THEMIS: variants seen among roughly 807,000 people sequenced by gnomAD.
THEMIS encodes thymocyte selection associated, also known as protein THEMIS.
THEMIS carries 37 observed loss-of-function variants against 52.6 expected under a neutral mutation model. That is an observed-to-expected ratio of 0.70 (90% CI 0.54 to 0.93). THEMIS has a LOEUF of 0.93. THEMIS is among the 40% of genes least tolerant of loss of function. THEMIS has a pLI of 0.00. For synonymous variants in THEMIS, 292 were observed against 272.7 expected, an observed-to-expected ratio of 1.07 and a Z score of -0.70; for missense variants, 808 against 763.1, an observed-to-expected ratio of 1.06 and a Z score of -0.69.
chr6:127,845,826 T>TA (rs35207825), intron 2 of THEMIS, among the ~76,000 whole-genome samples: 7,486 of 151,776 alleles, frequency 0.049, 207 homozygotes, highest in African/African-American at 0.069. Context: ...GAGATTTCCA[T>TA]AAAAAAAATT....
At chr6:127,836,651 C>T (rs2114682182) in intron 2 of THEMIS, among the ~76,000 whole-genome samples, 1 of 152,190 alleles carries the variant, frequency 6.6e-6, no homozygotes, top group Non-Finnish European at 1.5e-5. Flanking sequence ...TCTAAATTCA[C>T]CAGTATATAA....
At chr6:127,914,875 A>T (rs1781488009) in intron 1 of THEMIS, among the ~76,000 whole-genome samples, 1 of 152,202 alleles carries the variant, frequency 6.6e-6, no homozygotes, top group Non-Finnish European at 1.5e-5. Flanking sequence ...TTACAGATAA[A>T]GTGCCAAGTA....
downstream of THEMIS, among the ~76,000 whole-genome samples, chr6:127,704,751 G>A (rs1562201922): frequency 6.6e-6 from 1 of 152,196 alleles, no homozygotes; most frequent in Non-Finnish European, 1.5e-5. Context: ...CAAATGAGCT[G>A]TGCCAATGAG....
At chr6:127,816,655 C>A (rs1778145720) in intron 3 of THEMIS, among the ~76,000 whole-genome samples, 2 of 152,172 alleles carry the variant, frequency 1.3e-5, no homozygotes, top group South Asian at 4.1e-4. Context: ...GGCTTTCTAA[C>A]CGGTATCCTT....
chr6:127,755,895 T>C (rs2114360253), intron 4 of THEMIS, among the ~76,000 whole-genome samples: 1 of 151,788 alleles, frequency 6.6e-6, no homozygotes, highest in African/African-American at 2.4e-5. Context: ...AGCATGGTGG[T>C]GCATGGCTGT....
intron 4 of THEMIS, among the ~76,000 whole-genome samples, chr6:127,772,115 C>T (rs2114442496): frequency 6.6e-6 from 1 of 151,900 alleles, no homozygotes; most frequent in Admixed American, 6.6e-5. Context: ...AATCATCCTC[C>T]TATTAATAGA....
chr6:127,780,364 G>T (rs1776703581), intron 4 of THEMIS, among the ~76,000 whole-genome samples: 1 of 152,156 alleles, frequency 6.6e-6, no homozygotes, highest in Non-Finnish European at 1.5e-5. Context: ...GCCAGTCTGT[G>T]TCTTTTAATT....
At chr6:127,706,269 C>T (rs1255826809), downstream of THEMIS, among the ~76,000 whole-genome samples, 1 of 151,954 alleles carries the variant, frequency 6.6e-6, no homozygotes, top group African/African-American at 2.4e-5. Flanking sequence ...TTTTCTCAGA[C>T]AAAGCTCCAA....
At chr6:127,714,238 C>A (rs1774082041) in intron 5 of THEMIS, among the ~76,000 whole-genome samples, 1 of 151,840 alleles carries the variant, frequency 6.6e-6, no homozygotes, top group African/African-American at 2.4e-5. Flanking sequence ...TACTTTTTCA[C>A]TAAAGGGCTA....
intron 4 of THEMIS, among the ~76,000 whole-genome samples, chr6:127,800,165 T>C (rs1002851612): frequency 6.6e-6 from 1 of 152,220 alleles, no homozygotes; most frequent in Non-Finnish European, 1.5e-5. Context: ...TAGTTTTGTA[T>C]GAGGACTAAA....
chr6:127,880,571 T>TA (rs33909885), intron 1 of THEMIS, among the ~76,000 whole-genome samples: 41,790 of 132,892 alleles, frequency 0.31, 6,847 homozygotes, highest in Middle Eastern at 0.47. Flanking sequence ...AAAGACAAAT[T>TA]AAAAAAAAAA....
At chr6:127,808,421 A>G (rs978447884) in intron 4 of THEMIS, among the ~76,000 whole-genome samples, 2 of 152,176 alleles carry the variant, frequency 1.3e-5, no homozygotes, top group Admixed American at 6.5e-5. Context: ...TCTATTTAGA[A>G]CACAATTTCA....
At chr6:127,888,480 G>C in intron 1 of THEMIS, among the ~76,000 whole-genome samples, 1 of 151,812 alleles carries the variant, frequency 6.6e-6, no homozygotes, top group South Asian at 2.1e-4. Context: ...AAGGAATTTG[G>C]GCATCAATTT....
At chr6:127,778,898 T>C (rs1180385962) in intron 4 of THEMIS, among the ~76,000 whole-genome samples, 2 of 151,468 alleles carry the variant, frequency 1.3e-5, no homozygotes, top group Non-Finnish European at 2.9e-5. Flanking sequence ...ACCTATTGGG[T>C]TGCTTGAACC....
chr6:127,822,095 T>C (rs1778360345), intron 3 of THEMIS, among the ~76,000 whole-genome samples: 1 of 151,986 alleles, frequency 6.6e-6, no homozygotes, highest in South Asian at 2.1e-4. Context: ...AGACTACAGT[T>C]GTTTTTCTCA....
chr6:127,862,397 C>CCATAAG (rs1779831606), intron 1 of THEMIS, among the ~76,000 whole-genome samples: 1 of 140,204 alleles, frequency 7.1e-6, no homozygotes, highest in Non-Finnish European at 1.6e-5. Flanking sequence ...AGTTCCAAAG[C>CCATAAG]CATAAGCAGG....
At position 127,813,135 on chromosome 6, in the gene THEMIS, C is replaced by T; in HGVS notation, c.1506G>A (p.Trp502Ter). 1 of 1,614,000 alleles carries T rather than the reference C, an allele frequency of 6.2e-7. No homozygotes were observed. Among genetic ancestry groups the T allele is most frequent in the Non-Finnish European group, 8.5e-7 (1 of 1,180,000 alleles). ...TATTCAAGCGGCCCACAGGAATTTC[C>T]CAGCACTCCGTGGGGTTGGCAAAGT... ...ISDFANPTEC[W>*]EIPVGRLNMT... Residue 502 changes from tryptophan (W) to a stop codon, truncating the protein, a stop_gained, in exon 4 of 6, where the codon TGG (tryptophan) becomes TGA (stop). Coordinates refer to ENST00000368248, the MANE Select transcript of THEMIS (RefSeq NM_001010923.3). LOFTEE classifies it high-confidence loss of function.
At chr6:127,865,880 A>T (rs1045428780) in intron 1 of THEMIS, among the ~76,000 whole-genome samples, 1 of 152,088 alleles carries the variant, frequency 6.6e-6, no homozygotes, top group Non-Finnish European at 1.5e-5. Flanking sequence ...TCATTTGCAC[A>T]TTCATTTTAT....
At chr6:127,875,205 T>C (rs1780278715) in intron 1 of THEMIS, among the ~76,000 whole-genome samples, 1 of 152,232 alleles carries the variant, frequency 6.6e-6, no homozygotes, top group African/African-American at 2.4e-5. Flanking sequence ...ATACATGGGA[T>C]CTCTTTGTAT....
Sources: gnomAD v4.1 joint callset for allele counts (sites outside exome capture counted in the v4.1 genomes callset) on GRCh38, gnomAD v4.1.1 for gene constraint, MANE v1.5 for transcripts, NCBI Gene and HGNC (gene_info 2026-07-23, HGNC 2026-07-21) for gene names.